Variants in SKAP2 observed in about 807,000 individuals in gnomAD.
SKAP2 encodes the protein src kinase associated phosphoprotein 2.
SKAP2 carries 28 observed loss-of-function variants against 54.9 expected under a neutral mutation model. The observed-to-expected ratio is 0.51, with a 90% CI of 0.38 to 0.70. SKAP2 has a LOEUF of 0.70. SKAP2 is among the 30% of genes least tolerant of loss of function. SKAP2 has a pLI of 0.00. For missense variants in SKAP2, 356 were observed against 424.1 expected (o/e 0.84, Z 1.41); for synonymous variants, 137 against 134.3 (o/e 1.02, Z -0.14).
chr7:26,764,974 T>C (rs989967317), intron 4 of SKAP2, among the ~76,000 whole-genome samples: 5 of 152,210 alleles, frequency 3.3e-5, no homozygotes, highest in African/African-American at 1.2e-4. Flanking sequence ...AGAATGATTA[T>C]AATCCTTTGA....
chr7:26,848,287 G>A (rs985484968), intron 3 of SKAP2, among the ~76,000 whole-genome samples: 5 of 152,098 alleles, frequency 3.3e-5, no homozygotes, highest in African/African-American at 1.2e-4. Context: ...CAGGTAAACA[G>A]GAAATGAAGT....
At position 26,864,559 on chromosome 7, in the gene SKAP2, A is replaced by G. The variant is rs1337171844; in HGVS notation, c.-130T>C. The G allele has an allele frequency of 4.2e-6, 6 of 1,434,360 alleles. No individual in the cohort carries two copies. In the African/African-American group the frequency reaches 5.8e-5, roughly 14 times the overall value. 88.9% of individuals were successfully genotyped at this position (1,434,360 alleles called of 1,614,324 possible). A position where few individuals can be genotyped will look rare whatever the true frequency, so the allele number is the denominator to read the frequency against. On this transcript the variant is annotated 5_prime_UTR_variant, in exon 1 of 13. Transcript: ENST00000345317. Reference sequence around the variant, plus strand: ...GAACAGCGGGGCTACGAGTCGGGACACTGCCGGGCCGGGGCTCACAACAAG... The same window carrying G: ...GAACAGCGGGGCTACGAGTCGGGACGCTGCCGGGCCGGGGCTCACAACAAG...
Position 26,848,380 on chromosome 7 carries a change from C to T in SKAP2, c.200-4243G>A, listed in dbSNP as rs183759959. Among the ~76,000 whole-genome samples the T allele has an allele frequency of 2.4e-3, 360 of 152,252 alleles. 2 individuals carry two copies. Among genetic ancestry groups the T allele is most frequent in the Non-Finnish European group, 2.7e-3 (181 of 67,998 alleles). On this transcript the variant is annotated intron_variant, in intron 3 of 12. Transcript: ENST00000345317. ...AACTTTTTGAGTGTCAGTATGACAA[C>T]ACAAATGGAAAATTCCATGCCTAAC... is the stretch of plus-strand genomic sequence containing the variant.
intron 6 of SKAP2, among the ~76,000 whole-genome samples, chr7:26,728,683 G>A (rs989793456): frequency 2.6e-5 from 4 of 152,044 alleles, no homozygotes; most frequent in Non-Finnish European, 4.4e-5. Flanking sequence ...GATCTTTCGC[G>A]CCACCTTCCC....
At chr7:26,851,791 T>C (rs1040503309) in intron 3 of SKAP2, among the ~76,000 whole-genome samples, 1 of 151,490 alleles carries the variant, frequency 6.6e-6, no homozygotes, top group Non-Finnish European at 1.5e-5. Flanking sequence ...GGAGATTATC[T>C]AGAGTAGAAG....
At chr7:26,774,668 C>T (rs1401358549) in intron 4 of SKAP2, among the ~76,000 whole-genome samples, 4 of 152,126 alleles carry the variant, frequency 2.6e-5, no homozygotes, top group Admixed American at 2.6e-4. Flanking sequence ...ACTTCTTTTG[C>T]CAAAGCCTAA....
chr7:26,831,965 C>T (rs1784604894), intron 4 of SKAP2, among the ~76,000 whole-genome samples: 2 of 152,118 alleles, frequency 1.3e-5, no homozygotes, highest in East Asian at 1.9e-4. Context: ...TTTCCAGCTC[C>T]GTTTCCCCTT....
At chr7:26,670,726 AT>A (rs1335743073) in intron 11 of SKAP2, among the ~76,000 whole-genome samples, 1 of 152,144 alleles carries the variant, frequency 6.6e-6, no homozygotes, top group Non-Finnish European at 1.5e-5. Flanking sequence ...TAACAGATAA[AT>A]TAGAGAATAC....
intron 5 of SKAP2, 59 bp from the exon 6 acceptor site, chr7:26,738,937 T>G: frequency 1.0e-6 from 1 of 972,186 alleles, no homozygotes. Context: ...AAAAGTTAAT[T>G]AATATGATTT....
intron 4 of SKAP2, among the ~76,000 whole-genome samples, chr7:26,763,688 T>C (rs953959939): frequency 4.6e-5 from 7 of 152,184 alleles, no homozygotes; most frequent in Non-Finnish European, 1.0e-4. Context: ...ACAACAGGGA[T>C]ACATTCTAAG....
chr7:26,809,951 G>C (rs1311956831), intron 4 of SKAP2, among the ~76,000 whole-genome samples: 1 of 152,160 alleles, frequency 6.6e-6, no homozygotes, highest in Non-Finnish European at 1.5e-5. Flanking sequence ...TGTCATTTGT[G>C]CCAATATGGA....
intron 4 of SKAP2, among the ~76,000 whole-genome samples, chr7:26,835,774 A>C (rs1784694719): frequency 6.6e-6 from 1 of 152,190 alleles, no homozygotes; most frequent in African/African-American, 2.4e-5. Context: ...ACCCAAAGTA[A>C]TTTATAGACT....
At chr7:26,864,093 C>T (rs560309991) in intron 1 of SKAP2, among the ~76,000 whole-genome samples, 244 of 123,316 alleles carry the variant, frequency 2.0e-3, no homozygotes, top group African/African-American at 6.5e-3. Context: ...ACCGTCTTCA[C>T]AATGCACATA....
chr7:26,812,854 G>A (rs1359580640), intron 4 of SKAP2, among the ~76,000 whole-genome samples: 1 of 150,302 alleles, frequency 6.7e-6, no homozygotes, highest in East Asian at 2.0e-4. Flanking sequence ...AAAAAAAAAA[G>A]CCTGTTTTTT....
At chr7:26,751,934 A>T (rs1782694642) in intron 4 of SKAP2, among the ~76,000 whole-genome samples, 1 of 152,112 alleles carries the variant, frequency 6.6e-6, no homozygotes, top group African/African-American at 2.4e-5. Flanking sequence ...GGGTAAGGAA[A>T]GGGAGGAGGC....
chr7:26,676,010 T>C (rs1208617540), intron 11 of SKAP2, among the ~76,000 whole-genome samples: 2 of 152,174 alleles, frequency 1.3e-5, no homozygotes, highest in Admixed American at 6.5e-5. Flanking sequence ...AGGCAAAAAA[T>C]AGTATGACAG....
downstream of SKAP2, among the ~76,000 whole-genome samples, chr7:26,664,285 T>C (rs1312713708): frequency 6.6e-6 from 1 of 152,092 alleles, no homozygotes; most frequent in Non-Finnish European, 1.5e-5. Flanking sequence ...GTTATAAGAA[T>C]TGAATGAAAA....
intron 4 of SKAP2, among the ~76,000 whole-genome samples, chr7:26,842,621 TTCTG>T (rs1784839885): frequency 6.6e-6 from 1 of 151,746 alleles, no homozygotes; most frequent in Non-Finnish European, 1.5e-5. Context: ...AGTATAAATA[TTCTG>T]TCTGTGTATG....
At chr7:26,853,704 T>C (rs1785096925) in intron 3 of SKAP2, among the ~76,000 whole-genome samples, 1 of 152,136 alleles carries the variant, frequency 6.6e-6, no homozygotes, top group Non-Finnish European at 1.5e-5. Context: ...AAAATATCCT[T>C]CAAAAACATT....
Sources: allele counts gnomAD v4.1 joint callset (sites outside exome capture counted in the v4.1 genomes callset), GRCh38; gene constraint gnomAD v4.1.1; transcripts MANE v1.5; gene names NCBI Gene and HGNC (gene_info 2026-07-23, HGNC 2026-07-21).